Variants in BRIP1 observed in about 807,000 individuals in gnomAD.
BRIP1 encodes the protein Fanconi anemia group J protein.
In BRIP1, 88 loss-of-function variants were observed where a neutral mutation model predicts 119.7. The ratio of observed to expected loss-of-function variants is 0.74; its 90% CI spans 0.62 to 0.88. BRIP1 has a LOEUF of 0.88. Ranked by LOEUF, BRIP1 falls within the 40% of genes least tolerant of loss-of-function variation. BRIP1 has a pLI of 0.00. For missense variants in BRIP1, 1,259 were observed against 1,455.4 expected, an observed-to-expected ratio of 0.87 and a Z score of 2.20; for synonymous variants, 443 against 496.5, an observed-to-expected ratio of 0.89 and a Z score of 1.43.
At chr17:61,702,336 G>A (rs867246667) in intron 17 of BRIP1, among the ~76,000 whole-genome samples, 9 of 152,264 alleles carry the variant, frequency 5.9e-5, no homozygotes, top group South Asian at 4.1e-4. Context: ...TGCATGTCAT[G>A]GTGATTTGTT....
At chr17:61,813,080 AG>A (rs2078187366) in intron 6 of BRIP1, among the ~76,000 whole-genome samples, 1 of 152,156 alleles carries the variant, frequency 6.6e-6, no homozygotes, top group African/African-American at 2.4e-5. Context: ...TCATTGCCAA[AG>A]AAGAAGTTCC....
intron 17 of BRIP1, among the ~76,000 whole-genome samples, chr17:61,711,782 C>T (rs2061778852): frequency 6.6e-6 from 1 of 151,820 alleles, no homozygotes; most frequent in African/African-American, 2.4e-5. Context: ...GTAGGAGAAT[C>T]GCTTGAACCT....
Position 61,762,356 on chromosome 17 carries a change from T to C in BRIP1, c.2097+14045A>G, listed in dbSNP as rs1333341420. Among the ~76,000 whole-genome samples the C allele has an allele frequency of 6.6e-6, 1 of 152,062 alleles. No individual in the cohort carries two copies. Among genetic ancestry groups the C allele is most frequent in the African/African-American group, 2.4e-5 (1 of 41,418 alleles). The stretch of plus-strand genomic sequence containing the variant: ...TGGTTTAGGCAATGATTTTTTGGAT[T>C]TGATCCCAAAAGCACAGGCAACAAA... On this transcript the variant is annotated intron_variant, in intron 14 of 19. Coordinates refer to ENST00000259008, the MANE Select transcript of BRIP1 (RefSeq NM_032043.3). This position sits in a 1 kb window ranked among gnomAD's most constrained non-coding sequence, Gnocchi z 4.3.
rs1179540098 is a variant in BRIP1 at position 61,806,962 on chromosome 17, G to A, written c.918+1505C>T. Among the ~76,000 whole-genome samples, 1 of 152,096 alleles carries A rather than the reference G, an allele frequency of 6.6e-6. No individual in the cohort carries two copies. The highest frequency in any genetic ancestry group is 1.5e-5 in the Non-Finnish European group (1 of 68,024). On this transcript the variant is annotated intron_variant, in intron 7 of 19. Coordinates refer to ENST00000259008, the MANE Select transcript of BRIP1 (RefSeq NM_032043.3). The surrounding 1 kb of genome is among the most constrained non-coding windows in gnomAD (Gnocchi z 4.9). ...CCCGCCTCTGCCTCCCAAAGTGCTG[G>A]GATTACAGGCATGAACCATCAGGCC... is the stretch of plus-strand genomic sequence containing the variant.
rs2145832992 is a variant in BRIP1 at position 61,857,306 on chromosome 17, C to T, written c.206-75G>A. The T allele has an allele frequency of 7.3e-7, 1 of 1,362,756 alleles. No individual in the cohort carries two copies. 84.4% of individuals were successfully genotyped at this position (1,362,756 alleles called of 1,614,324 possible). A position where few individuals can be genotyped will look rare whatever the true frequency, so the allele number is the denominator to read the frequency against. ...CAATCATTCTCTACAGCCCAGTTCA[C>T]CCAGGATTGGGAGGTTTCCTAAGAT... On this transcript the variant is annotated intron_variant, in intron 3 of 19. Transcript: ENST00000259008. The surrounding 1 kb of genome is among the most constrained non-coding windows in gnomAD (Gnocchi z 5.1).
In BRIP1 at chr17:61,683,388, C is replaced by T. The variant is rs1555572476; in HGVS notation, c.3658G>A (p.Glu1220Lys). ...DGNVKTTWINELELGKTHEIE... is the reference protein window; with the variant it reads ...DGNVKTTWINKLELGKTHEIE... ...TCATGAGTTTTTCCCAGTTCCAGTT[C>T]ATTTATCCAAGTTGTTTTTACATTA... The change falls in exon 20 of 20, where the codon GAA becomes AAA. Residue 1220 changes from glutamate (E) to lysine (K), a missense_variant. Glu to Lys is a moderately conservative substitution (Grantham distance 56). This residue lies in a region of BRIP1 where 753 missense variants were observed against 891.8 expected (regional missense o/e 0.84). Coordinates refer to ENST00000259008, the MANE Select transcript of BRIP1 (RefSeq NM_032043.3). This position sits in a 1 kb window ranked among gnomAD's most constrained non-coding sequence, Gnocchi z 4.7. 1 of 1,613,088 alleles carries T rather than the reference C, an allele frequency of 6.2e-7. No homozygotes were observed. Among genetic ancestry groups the T allele is most frequent in the Non-Finnish European group, 8.5e-7 (1 of 1,179,538 alleles).
rs2078487450 is a variant in BRIP1 at position 61,831,182 on chromosome 17, G to A, written c.627+15919C>T. On this transcript the variant is annotated intron_variant, in intron 6 of 19. Coordinates refer to ENST00000259008, the MANE Select transcript of BRIP1 (RefSeq NM_032043.3). This position sits in a 1 kb window ranked among gnomAD's most constrained non-coding sequence, Gnocchi z 4.1. ...ACAAATGTCATACAGAACAGTGAGG[G>A]ACCAGAATGTTTTCCACCACAAGGT... 6.6e-6 allele frequency among the ~76,000 whole-genome samples: 1 copy of A among 152,148 alleles called. No homozygotes were observed. Among genetic ancestry groups the A allele is most frequent in the Non-Finnish European group, 1.5e-5 (1 of 68,028 alleles).
chr17:61,820,215 C>T (rs895400140), intron 6 of BRIP1, among the ~76,000 whole-genome samples: 4 of 152,070 alleles, frequency 2.6e-5, no homozygotes, highest in Non-Finnish European at 5.9e-5. Context: ...AGAACTGAAA[C>T]CACGAGACTT....
At chr17:61,837,267 A>C (rs2078589081) in intron 6 of BRIP1, among the ~76,000 whole-genome samples, 1 of 152,186 alleles carries the variant, frequency 6.6e-6, no homozygotes, top group Non-Finnish European at 1.5e-5. Flanking sequence ...TAGCTATTTT[A>C]AATAAAAGTA....
Position 61,725,263 on chromosome 17 carries a change from T to C in BRIP1, c.2380-9200A>G, listed in dbSNP as rs1214977256. Among the ~76,000 whole-genome samples, 2 of 152,210 alleles carry C rather than the reference T, an allele frequency of 1.3e-5. No homozygotes were observed. Among genetic ancestry groups the C allele is most frequent in the African/African-American group, 2.4e-5 (1 of 41,456 alleles). On this transcript the variant is annotated intron_variant, in intron 16 of 19. Transcript: ENST00000259008. This position sits in a 1 kb window ranked among gnomAD's most constrained non-coding sequence, Gnocchi z 5.3. ...AAGCACATTAGAAATGGTTTTTAGT[T>C]GTTACTTACTTTCCCTGTTACGTTA...
chr17:61,783,104 T>A (rs1020675470), intron 11 of BRIP1, among the ~76,000 whole-genome samples: 22 of 152,192 alleles, frequency 1.4e-4, no homozygotes, highest in Non-Finnish European at 2.5e-4. Flanking sequence ...CCAACGTTCA[T>A]AGTAGCATTG....
rs1164201705 is a variant in BRIP1, at chr17:61,798,894, T to C, written c.1340+206A>G. On this transcript the variant is annotated intron_variant, in intron 9 of 19. Transcript: ENST00000259008. This position sits in a 1 kb window ranked among gnomAD's most constrained non-coding sequence, Gnocchi z 5.5. ...GAATAAGATTCACAATTATTCATTT[T>C]TAAAAATCACTTATGTTCATTATAT... 6.6e-6 allele frequency among the ~76,000 whole-genome samples: 1 copy of C among 152,102 alleles called. No homozygotes were observed. The highest frequency in any genetic ancestry group is 1.5e-5 in the Non-Finnish European group (1 of 67,992).
At position 61,746,978 on chromosome 17, in the gene BRIP1, A is replaced by G. The variant is rs2077066553; in HGVS notation, c.2098-2387T>C. Among the ~76,000 whole-genome samples the G allele has an allele frequency of 6.6e-6, 1 of 152,196 alleles. No homozygotes were observed. Among genetic ancestry groups the G allele is most frequent in the Admixed American group, 6.5e-5 (1 of 15,276 alleles). On this transcript the variant is annotated intron_variant, in intron 14 of 19. Transcript: ENST00000259008. The surrounding 1 kb of genome is among the most constrained non-coding windows in gnomAD (Gnocchi z 4.9). Reference sequence around the variant, plus strand: ...CAAATGTAAGATAAAAATTAATACCAGGTATCTTTTGCAACCACAACAGAA... The same window carrying G: ...CAAATGTAAGATAAAAATTAATACCGGGTATCTTTTGCAACCACAACAGAA...
rs1327327814 is a variant in BRIP1 at position 61,796,916 on chromosome 17, T to C, written c.1340+2184A>G. On this transcript the variant is annotated intron_variant, in intron 9 of 19. Coordinates refer to ENST00000259008, the MANE Select transcript of BRIP1 (RefSeq NM_032043.3). The surrounding 1 kb of genome is among the most constrained non-coding windows in gnomAD (Gnocchi z 4.8). ...TCATTAATTGGATGAGGTGAGGCAG[T>C]AAGGATATTATTAAGGATAGTATTT... is the stretch of plus-strand genomic sequence containing the variant. 2.6e-5 allele frequency among the ~76,000 whole-genome samples: 4 copies of C among 151,974 alleles called. No individual in the cohort carries two copies. The highest frequency in any genetic ancestry group is 5.9e-5 in the Non-Finnish European group (4 of 67,954).
intron 6 of BRIP1, among the ~76,000 whole-genome samples, chr17:61,829,882 GA>G (rs989309351): frequency 2.7e-5 from 4 of 147,288 alleles, no homozygotes; most frequent in East Asian, 2.0e-4. Flanking sequence ...TTTTATTTAG[GA>G]AAAAAAAAGG....
Position 61,683,500 on chromosome 17 carries a change from G to T in BRIP1, c.3546C>A (p.Ala1182=), listed in dbSNP as rs755440956. The T allele has an allele frequency of 2.5e-6, 4 of 1,613,324 alleles. No homozygotes were observed. Among genetic ancestry groups the T allele is most frequent in the Non-Finnish European group, 3.4e-6 (4 of 1,179,778 alleles). ...EIRTIKEVDS[A]REVKAEDCID... ...TGCAATCCTCAGCTTTCACTTCTCT[G>T]GCTGAATCTACTTCTTTTATAGTTC... The change falls in exon 20 of 20, where the codon GCC becomes GCA. Residue 1182 remains alanine, a synonymous_variant. Transcript: ENST00000259008. This position sits in a 1 kb window ranked among gnomAD's most constrained non-coding sequence, Gnocchi z 4.7.
In BRIP1 at chr17:61,693,414, C is replaced by G; in HGVS notation, c.2575+16G>C. On this transcript the variant is annotated intron_variant, in intron 18 of 19. Coordinates refer to ENST00000259008, the MANE Select transcript of BRIP1 (RefSeq NM_032043.3). This position sits in a 1 kb window ranked among gnomAD's most constrained non-coding sequence, Gnocchi z 4.2. ...ATTGTTACTAGTTTTTACTCTAAGCCCAGCTGAGATCTTACCAGATATATA... is the reference window on the plus strand; with the variant it reads ...ATTGTTACTAGTTTTTACTCTAAGCGCAGCTGAGATCTTACCAGATATATA... 6.2e-7 allele frequency: 1 copy of G among 1,602,708 alleles called. No homozygotes were observed. The highest frequency in any genetic ancestry group is 1.3e-5 in the African/African-American group (1 of 74,726).
rs1334756489 is a variant in BRIP1 at position 61,803,427 on chromosome 17, G to A, written c.919-1953C>T. Among the ~76,000 whole-genome samples, 1 of 152,070 alleles carries A rather than the reference G, an allele frequency of 6.6e-6. No individual in the cohort carries two copies. Among genetic ancestry groups the A allele is most frequent in the African/African-American group, 2.4e-5 (1 of 41,410 alleles). ...ATAAAAAAATTTCATTACAGGCTGG[G>A]CACAGTGGCTCATGCCTATAATCCC... On this transcript the variant is annotated intron_variant, in intron 7 of 19. Transcript: ENST00000259008. This position sits in a 1 kb window ranked among gnomAD's most constrained non-coding sequence, Gnocchi z 4.3.
rs1177566466 is a variant in BRIP1, at chr17:61,739,071, C to T, written c.2379+3942G>A. On this transcript the variant is annotated intron_variant, in intron 16 of 19. Transcript: ENST00000259008. This position sits in a 1 kb window ranked among gnomAD's most constrained non-coding sequence, Gnocchi z 6.0. ...AATGGAAATAATTAGTTTTAGGGAA[C>T]AAAATTGTATTTTATTAAGATATTG... 2.9e-5 allele frequency: 5 copies of T among 172,308 alleles called. No individual in the cohort carries two copies. The South Asian group carries it at 6.0e-4, about 21-fold the overall frequency. The allele number at this position is 172,308 out of a possible 1,614,324, so 10.7% of individuals were successfully genotyped here. A position where few individuals can be genotyped will look rare whatever the true frequency, so the allele number is the denominator to read the frequency against.
Sources: allele counts gnomAD v4.1 joint callset (sites outside exome capture counted in the v4.1 genomes callset), GRCh38; gene constraint gnomAD v4.1.1; regional missense constraint gnomAD v4.1.1; non-coding constraint Gnocchi (gnomAD v3.1); transcripts MANE v1.5; gene names NCBI Gene and HGNC (gene_info 2026-07-23, HGNC 2026-07-21).